The following DNAH7 variants were observed in gnomAD, a reference collection of about 807,000 sequenced individuals.
DNAH7 encodes axonemal beta dynein heavy chain 7.
A neutral mutation model predicts 444.6 loss-of-function variants in DNAH7; 397 were observed. The ratio of observed to expected loss-of-function variants is 0.89; its 90% CI spans 0.82 to 0.97. The LOEUF is 0.97. Ranked by LOEUF, DNAH7 falls within the 50% of genes least tolerant of loss-of-function variation. The pLI is 0.00. For synonymous variants in DNAH7, 1,636 were observed against 1,624.4 expected (o/e 1.01, Z -0.17); for missense variants, 4,902 against 4,800.8 (o/e 1.02, Z -0.62).
intron 18 of DNAH7, 124 bp from the exon 19 acceptor site, chr2:195,957,571 T>C (rs1460609353): frequency 1.5e-5 from 7 of 482,010 alleles, no homozygotes; most frequent in Non-Finnish European, 2.5e-5. Context: ...TTATACATTA[T>C]ATACAATCTT....
chr2:195,872,201 C>T (rs1185685643), intron 40 of DNAH7, 49 bp downstream of exon 40: 3 of 1,407,050 alleles, frequency 2.1e-6, no homozygotes, highest in African/African-American at 1.4e-5. Context: ...GTTGGCATGG[C>T]AAATCTTTGT....
In DNAH7 at chr2:195,960,769, G is replaced by T; in HGVS notation, c.2382C>A (p.Asp794Glu). The change falls in exon 18 of 65, where the codon GAC becomes GAA. Residue 794 changes from aspartate (D) to glutamate (E), a missense_variant. Coordinates refer to ENST00000312428, the MANE Select transcript of DNAH7 (RefSeq NM_018897.3). Reference sequence around the variant, plus strand: ...AATTTCCAATATCTGCTTCTACTTGGTCTGGATTCACTTTATGATATGGCC... The same window carrying T: ...AATTTCCAATATCTGCTTCTACTTGTTCTGGATTCACTTTATGATATGGCC... ...TEGPYHKVNP[D>E]QVEADIGNYW... is the part of the protein sequence containing the mutation. 6.2e-7 allele frequency: 1 copy of T among 1,614,038 alleles called. No individual in the cohort carries two copies. Among genetic ancestry groups the T allele is most frequent in the African/African-American group, 1.3e-5 (1 of 75,002 alleles).
At position 195,864,944 on chromosome 2, in the gene DNAH7, C is replaced by T; in HGVS notation, c.6711G>A (p.Leu2237=). The change falls in exon 41 of 65, where the codon TTG becomes TTA. Residue 2237 remains leucine (L), a synonymous_variant. Transcript: ENST00000312428. ...GAAAATCTTCATACATGTAGTTTCT[C>T]AAAATTTCTTGAATGTAGTTGATGA... is the stretch of plus-strand genomic sequence containing the variant. ...SWLINYIQEI[L]RNYMYEDFHE... is the part of the protein sequence containing the mutation. 4 of 1,610,468 alleles carry T rather than the reference C, an allele frequency of 2.5e-6. No individual in the cohort carries two copies. The South Asian group carries it at 4.4e-5, about 18-fold the overall frequency.
chr2:195,860,117 GA>G, intron 42 of DNAH7, among the ~76,000 whole-genome samples: 1 of 152,052 alleles, frequency 6.6e-6, no homozygotes, highest in African/African-American at 2.4e-5. Context: ...AAGAATATTT[GA>G]AAATACCTTA....
intron 24 of DNAH7, among the ~76,000 whole-genome samples, chr2:195,915,306 T>C (rs543676346): frequency 1.4e-4 from 21 of 152,246 alleles, no homozygotes; most frequent in South Asian, 6.2e-4. Context: ...TAGGAGTTAG[T>C]TGTATTTATT....
At chr2:195,879,691 T>C (rs1701268189) in intron 36 of DNAH7, among the ~76,000 whole-genome samples, 1 of 152,170 alleles carries the variant, frequency 6.6e-6, no homozygotes, top group African/African-American at 2.4e-5. Flanking sequence ...CTTGTTTGTT[T>C]ATTCAATTTA....
intron 58 of DNAH7, among the ~76,000 whole-genome samples, chr2:195,784,736 C>T (rs1324579432): frequency 6.6e-6 from 1 of 152,138 alleles, no homozygotes; most frequent in African/African-American, 2.4e-5. Flanking sequence ...TGCTCCACAT[C>T]CTTGTTAGCA....
chr2:195,906,225 A>G (rs1457979413), intron 27 of DNAH7, among the ~76,000 whole-genome samples: 1 of 152,092 alleles, frequency 6.6e-6, no homozygotes, highest in Non-Finnish European at 1.5e-5. Context: ...TAATTTTTCA[A>G]AATTAGCACT....
chr2:196,000,418 G>GT (rs1693963328), intron 12 of DNAH7, among the ~76,000 whole-genome samples: 1 of 152,184 alleles, frequency 6.6e-6, no homozygotes, highest in Admixed American at 6.5e-5. Flanking sequence ...ACAGGAAATG[G>GT]TAGGAGAGCT....
At chr2:195,844,919 T>G (rs1432397107) in intron 47 of DNAH7, 83 bp downstream of exon 47, 2 of 1,253,308 alleles carry the variant, frequency 1.6e-6, no homozygotes, top group African/African-American at 3.0e-5. Flanking sequence ...TGTAAAAGTT[T>G]GCTACCTAAA....
At chr2:195,761,890 G>A (rs1376893722) in intron 61 of DNAH7, among the ~76,000 whole-genome samples, 1 of 152,128 alleles carries the variant, frequency 6.6e-6, no homozygotes, top group Non-Finnish European at 1.5e-5. Context: ...GAAATTATCT[G>A]AAGGTATAAA....
At chr2:195,956,852 C>G (rs1423928991) in intron 19 of DNAH7, among the ~76,000 whole-genome samples, 1 of 151,800 alleles carries the variant, frequency 6.6e-6, no homozygotes, top group Non-Finnish European at 1.5e-5. Context: ...TTTTTTAGGT[C>G]CCTACCAGAA....
intron 44 of DNAH7, among the ~76,000 whole-genome samples, chr2:195,857,079 A>G (rs1220668924): frequency 6.6e-6 from 1 of 152,154 alleles, no homozygotes; most frequent in Non-Finnish European, 1.5e-5. Context: ...GAATTAATAA[A>G]CATTTTTAAA....
At chr2:195,919,217 G>A (rs1165697993) in intron 24 of DNAH7, among the ~76,000 whole-genome samples, 1 of 143,258 alleles carries the variant, frequency 7.0e-6, no homozygotes, top group Non-Finnish European at 1.5e-5. Context: ...GCAGCCTGGA[G>A]ACAGAGCAAG....
At position 195,972,416 on chromosome 2, in the gene DNAH7, T is replaced by A; in HGVS notation, c.1884A>T (p.Arg628Ser). ...CGAGGCAGTTTTTGGAATCCACTAA[T>A]CTCTGTTCTAGTTCAATCATATCAG... ...EVTDMIELEQRLVDSKNCLAF... is the reference protein window; with the variant it reads ...EVTDMIELEQSLVDSKNCLAF... The change falls in exon 16 of 65, where the codon AGA (arginine) becomes AGT (serine). Residue 628 changes from arginine to serine, a missense_variant. By Grantham distance (110) the Arg-to-Ser change is moderately radical. Coordinates refer to ENST00000312428, the MANE Select transcript of DNAH7 (RefSeq NM_018897.3). The A allele has an allele frequency of 6.2e-7, 1 of 1,614,142 alleles. No homozygotes were observed. Among genetic ancestry groups the A allele is most frequent in the Middle Eastern group, 1.6e-4 (1 of 6,062 alleles).
At chr2:195,805,711 G>T (rs1033636037) in intron 54 of DNAH7, among the ~76,000 whole-genome samples, 3 of 152,082 alleles carry the variant, frequency 2.0e-5, no homozygotes, top group Admixed American at 6.6e-5. Context: ...GATTTTAAAA[G>T]AAACTACAAC....
chr2:195,978,396 C>A (rs1692342048), intron 15 of DNAH7, among the ~76,000 whole-genome samples: 1 of 151,586 alleles, frequency 6.6e-6, no homozygotes, highest in Admixed American at 6.6e-5. Context: ...AATAAACATA[C>A]AACAGACATA....
chr2:195,893,939 TA>T (rs1466782606), intron 30 of DNAH7: 1 of 148,858 alleles, frequency 6.7e-6, no homozygotes, highest in East Asian at 2.0e-4. Flanking sequence ...CCTATGACAA[TA>T]AAATAACAAA....
chr2:195,763,857 A>T (rs761894826), intron 61 of DNAH7, among the ~76,000 whole-genome samples: 1 of 152,004 alleles, frequency 6.6e-6, no homozygotes, highest in African/African-American at 2.4e-5. Context: ...AGGTGGAGGG[A>T]ATAATTACAA....
Sources: gnomAD v4.1 joint callset for allele counts (sites outside exome capture counted in the v4.1 genomes callset) on GRCh38, gnomAD v4.1.1 for gene constraint, MANE v1.5 for transcripts, NCBI Gene and HGNC (gene_info 2026-07-23, HGNC 2026-07-21) for gene names.